MTUS2: variants seen among roughly 807,000 people sequenced by gnomAD.
MTUS2 encodes microtubule-associated tumor suppressor candidate 2.
In MTUS2, 40 loss-of-function variants were observed where a neutral mutation model predicts 114.1. That is an observed-to-expected ratio of 0.35 (90% confidence interval 0.27 to 0.46). The LOEUF (loss-of-function observed/expected upper bound fraction) is 0.46. Among genes scored for constraint, MTUS2 ranks in the 20% least tolerant of loss-of-function variants. The pLI is 1.00. For synonymous variants in MTUS2, 688 were observed against 672.0 expected, an observed-to-expected ratio of 1.02 and a Z score of -0.37; for missense variants, 1,679 against 1,705.4, an observed-to-expected ratio of 0.98 and a Z score of 0.27.
At chr13:28,839,048 G>T (rs577234952) in intron 1 of MTUS2, among the ~76,000 whole-genome samples, 42 of 151,870 alleles carry the variant, frequency 2.8e-4, no homozygotes, top group African/African-American at 9.9e-4. Context: ...ATATGTGTAG[G>T]TAAAAAAATG....
intron 8 of MTUS2, among the ~76,000 whole-genome samples, chr13:29,364,021 C>A (rs141318524): frequency 6.6e-6 from 1 of 152,234 alleles, no homozygotes. Flanking sequence ...CAAATACAGG[C>A]CAGGCCACAC....
chr13:29,326,728 C>T (rs563263613), intron 7 of MTUS2, among the ~76,000 whole-genome samples: 225 of 152,258 alleles, frequency 1.5e-3, no homozygotes, highest in Middle Eastern at 3.4e-3. Context: ...TGCCTGTAAT[C>T]CCAGCACTTT....
chr13:29,010,022 C>T (rs550256404), intron 2 of MTUS2, among the ~76,000 whole-genome samples: 172 of 152,048 alleles, frequency 1.1e-3, no homozygotes, highest in African/African-American at 4.1e-3. Flanking sequence ...CCAGCCTGGC[C>T]AATATGGTGA....
chr13:29,356,648 T>G (rs1347279284), intron 7 of MTUS2, among the ~76,000 whole-genome samples: 1 of 152,224 alleles, frequency 6.6e-6, no homozygotes, highest in Admixed American at 6.5e-5. Context: ...GAAAGAATAC[T>G]GTTTTTAGCG....
chr13:28,963,105 A>G (rs1407579885), intron 2 of MTUS2, among the ~76,000 whole-genome samples: 1 of 152,226 alleles, frequency 6.6e-6, no homozygotes, highest in Non-Finnish European at 1.5e-5. Context: ...TAATTCCAGC[A>G]CTTTGGGAGG....
At chr13:29,159,423 A>AT (rs1460452522) in intron 5 of MTUS2, among the ~76,000 whole-genome samples, 5 of 152,210 alleles carry the variant, frequency 3.3e-5, no homozygotes, top group Admixed American at 2.6e-4. Context: ...TAGGAGGAAA[A>AT]TCTTCAGGAT....
chr13:29,277,302 T>C (rs1220885904), intron 5 of MTUS2, among the ~76,000 whole-genome samples: 1 of 152,226 alleles, frequency 6.6e-6, no homozygotes, highest in Non-Finnish European at 1.5e-5. Context: ...TTTACATCTG[T>C]GCTTCCTTTT....
intron 6 of MTUS2, chr13:29,307,039 G>T: frequency 1.9e-6 from 1 of 519,976 alleles, no homozygotes; most frequent in South Asian, 1.5e-5. Context: ...AATCAAATGG[G>T]GTGATGCTGG....
chr13:28,861,688 A>G (rs1441645819), intron 2 of MTUS2, among the ~76,000 whole-genome samples: 1 of 152,146 alleles, frequency 6.6e-6, no homozygotes, highest in East Asian at 1.9e-4. Flanking sequence ...TGCCTGGCAC[A>G]TGGTAGGCAC....
intron 4 of MTUS2, among the ~76,000 whole-genome samples, chr13:29,088,717 C>A (rs1444360068): frequency 1.3e-5 from 2 of 152,176 alleles, no homozygotes; most frequent in Non-Finnish European, 2.9e-5. Context: ...TAATACCCTT[C>A]TTTATCCTTT....
chr13:29,445,016 G>A (rs576948487), intron 9 of MTUS2, among the ~76,000 whole-genome samples: 1 of 152,276 alleles, frequency 6.6e-6, no homozygotes, highest in African/African-American at 2.4e-5. Context: ...TGCAGACACT[G>A]CCCATTTATA....
At chr13:29,018,045 C>T (rs756757138) in intron 2 of MTUS2, among the ~76,000 whole-genome samples, 4 of 152,198 alleles carry the variant, frequency 2.6e-5, no homozygotes, top group African/African-American at 7.2e-5. Context: ...CCTAGTTCCA[C>T]CTCTACCTGT....
intron 9 of MTUS2, among the ~76,000 whole-genome samples, chr13:29,450,320 C>G (rs1878596881): frequency 6.6e-6 from 1 of 152,088 alleles, no homozygotes; most frequent in Admixed American, 6.6e-5. Context: ...GACTAGCACC[C>G]TATGTCATAG....
chr13:29,361,760 G>T (rs1870273088), intron 8 of MTUS2, among the ~76,000 whole-genome samples: 1 of 152,178 alleles, frequency 6.6e-6, no homozygotes, highest in Non-Finnish European at 1.5e-5. Flanking sequence ...AGCCAAGCAT[G>T]CCAGCTTTGA....
chr13:28,938,421 G>T (rs745948240), intron 2 of MTUS2, among the ~76,000 whole-genome samples: 7 of 151,818 alleles, frequency 4.6e-5, no homozygotes. Flanking sequence ...TAAAGAATTT[G>T]CTAAAAAAGA....
chr13:28,946,332 T>C (rs2138154568), intron 2 of MTUS2, among the ~76,000 whole-genome samples: 1 of 152,154 alleles, frequency 6.6e-6, no homozygotes, highest in East Asian at 1.9e-4. Context: ...CGTGCAAGTG[T>C]GCATGTACAC....
At chr13:29,297,341 T>A (rs1315342809) in intron 6 of MTUS2, among the ~76,000 whole-genome samples, 1 of 152,184 alleles carries the variant, frequency 6.6e-6, no homozygotes, top group Non-Finnish European at 1.5e-5. Flanking sequence ...ATTTCCTTTT[T>A]AAAAAAGATA....
At chr13:29,453,108 C>T (rs2138748045) in intron 9 of MTUS2, among the ~76,000 whole-genome samples, 1 of 152,298 alleles carries the variant, frequency 6.6e-6, no homozygotes, top group East Asian at 1.9e-4. Flanking sequence ...CTCTTCCCAC[C>T]ATAACCATAT....
At chr13:29,323,088 C>T (rs1168866949) in intron 6 of MTUS2, among the ~76,000 whole-genome samples, 1 of 152,076 alleles carries the variant, frequency 6.6e-6, no homozygotes, top group Non-Finnish European at 1.5e-5. Context: ...AGACTGAATC[C>T]AGCAAAAGCA....
Sources: allele counts gnomAD v4.1 joint callset (sites outside exome capture counted in the v4.1 genomes callset), GRCh38; gene constraint gnomAD v4.1.1; transcripts MANE v1.5; gene names NCBI Gene and HGNC (gene_info 2026-07-23, HGNC 2026-07-21).